QTRT2: variants seen among roughly 807,000 people sequenced by gnomAD.
QTRT2 encodes the protein queuine tRNA-ribosyltransferase domain containing 1.
In QTRT2, 32 loss-of-function variants were observed where a neutral mutation model predicts 44.8. The ratio of observed to expected loss-of-function variants is 0.71; its 90% CI spans 0.54 to 0.96. QTRT2 has a LOEUF of 0.96. QTRT2 is among the 40% of genes least tolerant of loss of function. The pLI, the probability that QTRT2 is intolerant of heterozygous loss-of-function variation, is 0.00. For synonymous variants in QTRT2, 182 were observed against 187.4 expected (o/e 0.97, Z 0.24); for missense variants, 461 against 503.1 (o/e 0.92, Z 0.80).
chr3:114,084,060 C>CTTT (rs36088762), intron 9 of QTRT2, among the ~76,000 whole-genome samples: 1 of 134,750 alleles, frequency 7.4e-6, no homozygotes. Flanking sequence ...TCACTTTTTT[C>CTTT]TTTTTTTTTT....
rs2076935108 is a variant in QTRT2 at position 114,065,176 on chromosome 3, A to G, written c.-21-61A>G. 5.0e-6 allele frequency: 6 copies of G among 1,192,056 alleles called. No individual in the cohort carries two copies. In the East Asian group the frequency reaches 1.2e-4, roughly 23 times the overall value. The allele number at this position is 1,192,056 out of a possible 1,614,324, so 73.8% of individuals were successfully genotyped here. On this transcript the variant is annotated intron_variant, in intron 2 of 9. Transcript: ENST00000281273. ...TTCCTGAAGATTTTTTTTTTTTGCA[A>G]AATGCTTGGCCTCTAGGTGTTGTGA...
At chr3:114,066,370 T>G in intron 4 of QTRT2, 87 bp downstream of exon 4, 1 of 762,802 alleles carries the variant, frequency 1.3e-6, no homozygotes, top group African/African-American at 1.7e-5. Flanking sequence ...TTCATTCATA[T>G]GTTTGTTTAT....
chr3:114,065,726 G>A (rs990031408), intron 3 of QTRT2, among the ~76,000 whole-genome samples: 3 of 152,128 alleles, frequency 2.0e-5, no homozygotes, highest in Non-Finnish European at 4.4e-5. Flanking sequence ...GTGACAGGGC[G>A]GGGAATGTTC....
intron 6 of QTRT2, among the ~76,000 whole-genome samples, chr3:114,075,199 ATGT>A (rs1216703197): frequency 6.6e-6 from 1 of 152,110 alleles, no homozygotes; most frequent in Admixed American, 6.6e-5. Context: ...CACCTCTACT[ATGT>A]TGTTATCTAT....
intron 5 of QTRT2, among the ~76,000 whole-genome samples, chr3:114,069,536 G>A (rs926382027): frequency 6.6e-6 from 1 of 152,066 alleles, no homozygotes. Flanking sequence ...AGGGACAATG[G>A]CCTCCAGTTC....
chr3:114,082,987 C>G (rs1377399434), intron 9 of QTRT2, 193 bp downstream of exon 9: 7 of 559,756 alleles, frequency 1.3e-5, no homozygotes, highest in South Asian at 1.2e-4. Flanking sequence ...TTCGTCTTGT[C>G]AGAAGACTGG....
At chr3:114,080,136 A>G in intron 8 of QTRT2, 79 bp downstream of exon 8, 13 of 1,134,488 alleles carry the variant, frequency 1.1e-5, no homozygotes, top group Non-Finnish European at 1.5e-5. Context: ...CACAAGACAG[A>G]AATATGTATA....
intron 5 of QTRT2, among the ~76,000 whole-genome samples, chr3:114,070,188 TACTCTG>T (rs1224360896): frequency 6.6e-6 from 1 of 152,202 alleles, no homozygotes; most frequent in African/African-American, 2.4e-5. Context: ...GATACTTAAA[TACTCTG>T]ACATGATTAT....
chr3:114,083,131 A>G, intron 9 of QTRT2: 1 of 266,468 alleles, frequency 3.8e-6, no homozygotes, highest in Non-Finnish European at 7.3e-6. Flanking sequence ...TAGGGTGCCT[A>G]AGCCATCTTT....
chr3:114,063,557 A>T (rs890142691), intron 2 of QTRT2, among the ~76,000 whole-genome samples: 1 of 152,068 alleles, frequency 6.6e-6, no homozygotes, highest in African/African-American at 2.4e-5. Context: ...GGTTCTAATG[A>T]CACTTATTTG....
At chr3:114,062,027 A>AT (rs1213810793) in intron 2 of QTRT2, among the ~76,000 whole-genome samples, 1 of 151,996 alleles carries the variant, frequency 6.6e-6, no homozygotes, top group African/African-American at 2.4e-5. Flanking sequence ...AAAAAAAAAA[A>AT]AAATCTGAAT....
At position 114,070,752 on chromosome 3, in the gene QTRT2, G is replaced by C; in HGVS notation, c.460G>C (p.Ala154Pro). The C allele has an allele frequency of 6.2e-7, 1 of 1,614,014 alleles. No individual in the cohort carries two copies. Among genetic ancestry groups the C allele is most frequent in the South Asian group, 1.1e-5 (1 of 91,078 alleles). The change falls in exon 6 of 10, where the codon GCA becomes CCA. Residue 154 changes from alanine (A) to proline (P), a missense_variant. Physicochemically the swap from Ala to Pro is conservative, Grantham distance 27. Coordinates refer to ENST00000281273, the MANE Select transcript of QTRT2 (RefSeq NM_024638.4). ...CGATGGAGAAGTATCTTGTAAGGAAGCAACTTCCATAAAAAGGGTCAGAAA... is the reference window on the plus strand; with the variant it reads ...CGATGGAGAAGTATCTTGTAAGGAACCAACTTCCATAAAAAGGGTCAGAAA... ...LSDGEVSCKE[A>P]TSIKRVRKSV... is the part of the protein sequence containing the mutation.
chr3:114,057,172 G>A, intron 2 of QTRT2, 66 bp downstream of exon 2: 1 of 823,894 alleles, frequency 1.2e-6, no homozygotes, highest in Non-Finnish European at 1.6e-6. Context: ...TTCAATCTCT[G>A]AGCCAGGTGC....
rs539904545 is a variant in QTRT2 at position 114,076,674 on chromosome 3, T to C, written c.547-69T>C. 136 of 1,471,350 alleles carry C rather than the reference T, an allele frequency of 9.2e-5. 1 individual carries two copies. In the South Asian group the frequency reaches 1.1e-3, roughly 12 times the overall value. The allele number at this position is 1,471,350 out of a possible 1,614,324, so 91.1% of individuals were successfully genotyped here. On this transcript the variant is annotated intron_variant, in intron 6 of 9. Coordinates refer to ENST00000281273, the MANE Select transcript of QTRT2 (RefSeq NM_024638.4). ...GTCTCTTCTATACATTGGACTTCCA[T>C]GTAAGGTTCATTTAAACAAAGGTCT...
At chr3:114,082,626 C>A in intron 8 of QTRT2, 51 bp from the exon 9 acceptor site, 1 of 651,936 alleles carries the variant, frequency 1.5e-6, no homozygotes. Flanking sequence ...TTTCCAATGG[C>A]CACTTCTTAT....
In QTRT2 at chr3:114,086,197, G is replaced by A. The variant is rs1306496078; in HGVS notation, c.*293G>A. 2 of 359,348 alleles carry A rather than the reference G, an allele frequency of 5.6e-6. No homozygotes were observed. Among genetic ancestry groups the A allele is most frequent in the South Asian group, 2.5e-5 (1 of 40,726 alleles). The allele number at this position is 359,348 out of a possible 1,614,324, so 22.3% of individuals were successfully genotyped here. A position where few individuals can be genotyped will look rare whatever the true frequency, so the allele number is the denominator to read the frequency against. ...AGTCAAAGACAAAAGCTTTAACTGT[G>A]AGGGCACAGCCTTGAAGTGGGAGTG... On this transcript the variant is annotated 3_prime_UTR_variant, in exon 10 of 10. Coordinates refer to ENST00000281273, the MANE Select transcript of QTRT2 (RefSeq NM_024638.4).
chr3:114,078,527 C>A (rs532289701), intron 7 of QTRT2: 1 of 151,868 alleles, frequency 6.6e-6, no homozygotes. Context: ...CAGCAGCCAG[C>A]CAGCCCTGAT....
chr3:114,086,151 T>G lies in QTRT2; in HGVS notation c.*247T>G, dbSNP rs981292208. On this transcript the variant is annotated 3_prime_UTR_variant, in exon 10 of 10. Transcript: ENST00000281273. ...CTTTAAGACTTCTAGACTAATTCTT[T>G]TAGTTGATAGAGATTCATTTAGTCA... The G allele has an allele frequency of 1.6e-5, 7 of 443,292 alleles. No individual in the cohort carries two copies. Among genetic ancestry groups the G allele is most frequent in the South Asian group, 9.0e-5 (4 of 44,578 alleles). The allele number at this position is 443,292 out of a possible 1,614,324, so 27.5% of individuals were successfully genotyped here.
chr3:114,073,985 T>G (rs755084406), intron 6 of QTRT2, among the ~76,000 whole-genome samples: 2 of 152,118 alleles, frequency 1.3e-5, no homozygotes, highest in Non-Finnish European at 2.9e-5. Context: ...CAAGATTCGG[T>G]TTTTGGCTTT....
Sources: allele counts gnomAD v4.1 joint callset (sites outside exome capture counted in the v4.1 genomes callset), GRCh38; gene constraint gnomAD v4.1.1; transcripts MANE v1.5; gene names NCBI Gene and HGNC (gene_info 2026-07-23, HGNC 2026-07-21).